Variants in LRRC61 observed in about 807,000 individuals in gnomAD.
The protein encoded by LRRC61 is leucine-rich repeat-containing protein 61.
LRRC61 carries 9 observed loss-of-function variants against 15.1 expected under a neutral mutation model. The observed-to-expected ratio is 0.60, with a 90% CI of 0.36 to 1.04. LRRC61 has a LOEUF of 1.04. LRRC61 is among the 50% of genes least tolerant of loss of function. The probability of loss-of-function intolerance (pLI) is 0.01; values close to 1 mark genes in which losing one functional copy is unlikely to be tolerated. For missense variants in LRRC61, 344 were observed against 335.6 expected (o/e 1.03, Z -0.20); for synonymous variants, 173 against 158.6 (o/e 1.09, Z -0.68).
chr7:150,318,205 T>C, the LRRC61 span, among the ~76,000 whole-genome samples: 2 of 152,150 alleles, frequency 1.3e-5, no homozygotes, highest in Non-Finnish European at 2.9e-5. Flanking sequence ...TTGGATAATG[T>C]TCTTGTTTTG....
chr7:150,328,981 C>T (rs1420301606), intron 2 of LRRC61, among the ~76,000 whole-genome samples: 1 of 152,174 alleles, frequency 6.6e-6, no homozygotes, highest in South Asian at 2.1e-4. Flanking sequence ...CCCTTGGTGT[C>T]TCTGCACCTT....
At chr7:150,319,205 CTT>C (rs199647156), upstream of LRRC61, among the ~76,000 whole-genome samples, 94 of 140,644 alleles carry the variant, frequency 6.7e-4, no homozygotes, top group East Asian at 8.6e-4. Flanking sequence ...ATTGCTTCTT[CTT>C]TTTTTTTTTT....
the LRRC61 span, among the ~76,000 whole-genome samples, chr7:150,316,483 A>ATTTTTT: frequency 3.7e-5 from 3 of 80,526 alleles, no homozygotes; most frequent in Non-Finnish European, 8.2e-5. Context: ...GAATCTGGTT[A>ATTTTTT]TTTTTTTTTT....
chr7:150,311,842 AC>A, the LRRC61 span, among the ~76,000 whole-genome samples: 2 of 152,100 alleles, frequency 1.3e-5, no homozygotes, highest in African/African-American at 4.8e-5. Context: ...ATTGCTTTAA[AC>A]CATGCACTCT....
At position 150,337,760 on chromosome 7, in the gene LRRC61, T is replaced by C. The variant is rs1798358534; in HGVS notation, c.*119T>C. On this transcript the variant is annotated 3_prime_UTR_variant, in exon 3 of 3. Coordinates refer to ENST00000359623, the MANE Select transcript of LRRC61 (RefSeq NM_001142928.2). The stretch of plus-strand genomic sequence containing the variant: ...GTCACTGGCCCTGCACACTGGGCTA[T>C]TGCTTTATCCCTATCCTGAGAGCAG... 3.8e-6 allele frequency: 4 copies of C among 1,061,134 alleles called. No homozygotes were observed. The highest frequency in any genetic ancestry group is 2.6e-5 in the East Asian group (1 of 37,936). The allele number at this position is 1,061,134 out of a possible 1,614,324, so 65.7% of individuals were successfully genotyped here.
chr7:150,330,057 G>A lies in LRRC61; in HGVS notation c.-145+4047G>A, dbSNP rs552200583. On this transcript the variant is annotated intron_variant, in intron 2 of 2. Coordinates refer to ENST00000359623, the MANE Select transcript of LRRC61 (RefSeq NM_001142928.2). The surrounding 1 kb of genome is among the most constrained non-coding windows in gnomAD (Gnocchi z 4.6). ...GGGCTGTTCCCCCATCCCTTGTTTC[G>A]CCCACTGCCTCGACTCCCTGGTGAG... The A allele has an allele frequency of 1.2e-5, 3 of 251,562 alleles. No homozygotes were observed. The highest frequency in any genetic ancestry group is 5.1e-5 in the Admixed American group (1 of 19,774). 15.6% of individuals were successfully genotyped at this position (251,562 alleles called of 1,614,324 possible).
At chr7:150,325,536 C>T (rs1222796544) in intron 1 of LRRC61, among the ~76,000 whole-genome samples, 2 of 152,328 alleles carry the variant, frequency 1.3e-5, no homozygotes, top group Non-Finnish European at 2.9e-5. Context: ...GGTGCAATCA[C>T]GGCTCACTGC....
chr7:150,337,870 G>C lies in LRRC61; in HGVS notation c.*229G>C. ...TAAGGGCTCCCACATCCGTGAGCCTGTGTCCGCAGCTGCTGCCACTCTGGG... is the reference window on the plus strand; with the variant it reads ...TAAGGGCTCCCACATCCGTGAGCCTCTGTCCGCAGCTGCTGCCACTCTGGG... On this transcript the variant is annotated 3_prime_UTR_variant, in exon 3 of 3. Coordinates refer to ENST00000359623, the MANE Select transcript of LRRC61 (RefSeq NM_001142928.2). 1 of 574,498 alleles carries C rather than the reference G, an allele frequency of 1.7e-6. No individual in the cohort carries two copies. The highest frequency in any genetic ancestry group is 3.1e-6 in the Non-Finnish European group (1 of 326,056). 35.6% of individuals were successfully genotyped at this position (574,498 alleles called of 1,614,324 possible). A position where few individuals can be genotyped will look rare whatever the true frequency, so the allele number is the denominator to read the frequency against.
chr7:150,320,069 G>A (rs757681881), upstream of LRRC61, among the ~76,000 whole-genome samples: 3 of 152,158 alleles, frequency 2.0e-5, no homozygotes, highest in Admixed American at 6.5e-5. Flanking sequence ...CTGGATTAAC[G>A]CTGGAAAGGG....
the LRRC61 span, among the ~76,000 whole-genome samples, chr7:150,313,868 T>TTCCC: frequency 3.9e-5 from 6 of 152,216 alleles, no homozygotes; most frequent in African/African-American, 1.2e-4. Context: ...CCTGGAAAGC[T>TTCCC]AAAAACAACC....
chr7:150,320,394 C>T (rs897960120), upstream of LRRC61, among the ~76,000 whole-genome samples: 1 of 152,194 alleles, frequency 6.6e-6, no homozygotes, highest in Non-Finnish European at 1.5e-5. Context: ...TTGTTATTCT[C>T]TTGTGCAATT....
At position 150,336,949 on chromosome 7, in the gene LRRC61, C is replaced by T. The variant is rs2129618479; in HGVS notation, c.88C>T (p.Leu30=). 1.9e-6 allele frequency: 3 copies of T among 1,613,952 alleles called. 1 individual carries two copies. The highest frequency in any genetic ancestry group is 2.2e-5 in the East Asian group (1 of 44,890). The change falls in exon 3 of 3, where the codon CTG becomes TTG. Residue 30 remains leucine, a synonymous_variant. Transcript: ENST00000359623. ...LLKSRTGEFS[L]ESILLLKLRG... Reference sequence around the variant, plus strand: ...GAAGTCACGCACAGGCGAGTTCTCCCTGGAGTCCATCCTGCTACTGAAGCT... The same window carrying T: ...GAAGTCACGCACAGGCGAGTTCTCCTTGGAGTCCATCCTGCTACTGAAGCT...
the LRRC61 span, among the ~76,000 whole-genome samples, chr7:150,315,015 A>ATTATT: frequency 6.8e-6 from 1 of 147,082 alleles, no homozygotes; most frequent in Non-Finnish European, 1.5e-5. Flanking sequence ...ATTAAATAAT[A>ATTATT]AAATAATATT....
the LRRC61 span, among the ~76,000 whole-genome samples, chr7:150,316,483 ATTTTTTTT>A: frequency 1.2e-5 from 1 of 80,536 alleles, no homozygotes; most frequent in South Asian, 4.5e-4. Context: ...GAATCTGGTT[ATTTTTTTT>A]TTTTTTTTTT....
chr7:150,336,704 CTG>C lies in LRRC61; in HGVS notation c.-144-12_-144-11del. 8 of 930,282 alleles carry C rather than the reference CTG, an allele frequency of 8.6e-6. No homozygotes were observed. Among genetic ancestry groups the C allele is most frequent in the Non-Finnish European group, 1.3e-5 (8 of 623,476 alleles). 57.6% of individuals were successfully genotyped at this position (930,282 alleles called of 1,614,324 possible). On this transcript the variant is annotated splice_polypyrimidine_tract_variant and intron_variant, in intron 2 of 2. Coordinates refer to ENST00000359623, the MANE Select transcript of LRRC61 (RefSeq NM_001142928.2). Reference sequence around the variant, plus strand: ...ACAGAAAGTGCTGCCTGCTGACTGACTGTCTCTCCTCAGGGACTGGCTGGCTT... The same window carrying C: ...ACAGAAAGTGCTGCCTGCTGACTGACTCTCTCCTCAGGGACTGGCTGGCTT...
rs1217644354 is a variant in LRRC61, at chr7:150,338,096, C to A, written c.*455C>A. On this transcript the variant is annotated 3_prime_UTR_variant, in exon 3 of 3. Coordinates refer to ENST00000359623, the MANE Select transcript of LRRC61 (RefSeq NM_001142928.2). Reference sequence around the variant, plus strand: ...TGCTCCTGCACTTACCCCCTCCCCGCAGCACCTTCTCTGCCCGTTCTTGTC... The same window carrying A: ...TGCTCCTGCACTTACCCCCTCCCCGAAGCACCTTCTCTGCCCGTTCTTGTC... 4 of 530,204 alleles carry A rather than the reference C, an allele frequency of 7.5e-6. No homozygotes were observed. The highest frequency in any genetic ancestry group is 1.2e-5 in the Non-Finnish European group (4 of 320,028). The allele number at this position is 530,204 out of a possible 1,614,324, so 32.8% of individuals were successfully genotyped here.
chr7:150,327,569 A>G (rs1797987300), intron 2 of LRRC61, among the ~76,000 whole-genome samples: 1 of 152,212 alleles, frequency 6.6e-6, no homozygotes, highest in Admixed American at 6.5e-5. Context: ...CTGTAATCCC[A>G]GCACTTTAGG....
chr7:150,316,763 C>A, the LRRC61 span, among the ~76,000 whole-genome samples: 2 of 152,142 alleles, frequency 1.3e-5, no homozygotes, highest in Non-Finnish European at 2.9e-5. Context: ...GGATTACAGG[C>A]ATGAGCCACC....
rs550066910 is a variant in LRRC61 at position 150,335,042 on chromosome 7, A to G, written c.-144-1676A>G. ...TGAAACTCTGTCTCAAAAAAAAAAA[A>G]AAAAAAGAAAAAAAGGAGCCCCTGG... is the stretch of plus-strand genomic sequence containing the variant. On this transcript the variant is annotated intron_variant, in intron 2 of 2. Transcript: ENST00000359623. The surrounding 1 kb of genome is among the most constrained non-coding windows in gnomAD (Gnocchi z 4.3). Among the ~76,000 whole-genome samples, 12 of 151,670 alleles carry G rather than the reference A, an allele frequency of 7.9e-5. No individual in the cohort carries two copies. Among genetic ancestry groups the G allele is most frequent in the Admixed American group, 2.6e-4 (4 of 15,256 alleles).
Sources: gnomAD v4.1 joint callset for allele counts (sites outside exome capture counted in the v4.1 genomes callset) on GRCh38, gnomAD v4.1.1 for gene constraint, Gnocchi (gnomAD v3.1) non-coding constraint, MANE v1.5 for transcripts, NCBI Gene and HGNC (gene_info 2026-07-23, HGNC 2026-07-21) for gene names.